The following SUFU variants were observed in gnomAD, a reference collection of about 807,000 sequenced individuals.
SUFU encodes suppressor of fused homolog.
In SUFU, 7 loss-of-function variants were observed where a neutral mutation model predicts 58.9. The observed-to-expected ratio is 0.12, with a 90% CI of 0.07 to 0.22. The LOEUF (loss-of-function observed/expected upper bound fraction) is 0.22, where lower values mean the gene tolerates loss of function less well. SUFU is among the 10% of genes least tolerant of loss of function. SUFU has a pLI of 1.00. For missense variants in SUFU, 451 were observed against 641.3 expected, an observed-to-expected ratio of 0.70 and a Z score of 3.20; for synonymous variants, 232 against 254.8, an observed-to-expected ratio of 0.91 and a Z score of 0.85.
intron 2 of SUFU, among the ~76,000 whole-genome samples, chr10:102,526,858 G>A (rs1217916750): frequency 6.6e-6 from 1 of 152,114 alleles, no homozygotes; most frequent in Admixed American, 6.6e-5. Context: ...CACGGACCTC[G>A]AAGTGTTTAA....
intron 9 of SUFU, among the ~76,000 whole-genome samples, chr10:102,616,323 A>G (rs183373473): frequency 6.6e-6 from 1 of 152,358 alleles, no homozygotes; most frequent in African/African-American, 2.4e-5. Flanking sequence ...ACCAAGAGTA[A>G]TTCTAAACTC....
intron 2 of SUFU, among the ~76,000 whole-genome samples, chr10:102,528,853 C>A (rs553049868): frequency 4.7e-4 from 71 of 152,068 alleles, no homozygotes; most frequent in Non-Finnish European, 9.0e-4. Flanking sequence ...AAGAAAGCTT[C>A]TATAACCCAG....
At chr10:102,599,348 C>T (rs2063493906) in intron 7 of SUFU, 85 bp from the exon 8 acceptor site, 2 of 1,051,258 alleles carry the variant, frequency 1.9e-6, no homozygotes, top group South Asian at 2.5e-5. Flanking sequence ...TTTCTTAGCA[C>T]CTCTGCTGAG....
chr10:102,514,802 C>T (rs1361716495), intron 2 of SUFU, among the ~76,000 whole-genome samples: 1 of 152,252 alleles, frequency 6.6e-6, no homozygotes, highest in Non-Finnish European at 1.5e-5. Flanking sequence ...GTACCACCAA[C>T]AGCTCTGGCT....
At chr10:102,590,288 C>A (rs2063385264) in intron 3 of SUFU, among the ~76,000 whole-genome samples, 1 of 151,614 alleles carries the variant, frequency 6.6e-6, no homozygotes, top group African/African-American at 2.4e-5. Context: ...GCCTCAGCCT[C>A]CCGAGTAGCT....
In SUFU at chr10:102,551,637, C is replaced by CA. The variant is rs1185647428; in HGVS notation, c.454+1543dup. Among the ~76,000 whole-genome samples the CA allele has an allele frequency of 3.3e-3, 304 of 92,268 alleles. 3 individuals are homozygous for CA. The Middle Eastern group carries it at 0.1, about 31-fold the overall frequency. The allele number at this position is 92,268 out of a possible 152,430, so 60.5% of individuals were successfully genotyped here. On this transcript the variant is annotated intron_variant, in intron 3 of 11. Transcript: ENST00000369902. ...TGGGCAACAGAGCAAGACTCCGTAT[C>CA]AAAAAAAAAAAAGTAACAATCACAG...
chr10:102,555,112 A>C (rs184798722), intron 3 of SUFU, among the ~76,000 whole-genome samples: 342 of 151,948 alleles, frequency 2.3e-3, no homozygotes, highest in African/African-American at 4.6e-3. Flanking sequence ...ACTAAAAATA[A>C]AAAAAATTAG....
rs893987893 is a variant in SUFU, at chr10:102,631,663, G to A, written c.*1508G>A. The A allele has an allele frequency of 8.6e-6, 2 of 233,274 alleles. No individual in the cohort carries two copies. The highest frequency in any genetic ancestry group is 1.2e-3 in the Middle Eastern group (1 of 812). The allele number at this position is 233,274 out of a possible 1,614,324, so 14.5% of individuals were successfully genotyped here. ...CCACAGGAGTGCCCACAGGGTGCAG[G>A]ACTCCACTGATGAGAGATCCAGCCA... On this transcript the variant is annotated 3_prime_UTR_variant, in exon 12 of 12. Coordinates refer to ENST00000369902, the MANE Select transcript of SUFU (RefSeq NM_016169.4).
chr10:102,544,424 G>A (rs1166748477), intron 2 of SUFU, among the ~76,000 whole-genome samples: 2 of 152,188 alleles, frequency 1.3e-5, no homozygotes, highest in Non-Finnish European at 2.9e-5. Context: ...TCCCAGGCCA[G>A]GCACGGTGGC....
chr10:102,528,812 C>T (rs2062641938), intron 2 of SUFU, among the ~76,000 whole-genome samples: 1 of 152,132 alleles, frequency 6.6e-6, no homozygotes, highest in Non-Finnish European at 1.5e-5. Flanking sequence ...CAAATGCATT[C>T]CATGAATCTG....
intron 3 of SUFU, among the ~76,000 whole-genome samples, chr10:102,570,563 G>A (rs1220845328): frequency 6.6e-6 from 1 of 150,718 alleles, no homozygotes; most frequent in Non-Finnish European, 1.5e-5. Context: ...TTTCTAATCG[G>A]TATTTTTGTG....
At chr10:102,535,001 C>G (rs143037074) in intron 2 of SUFU, among the ~76,000 whole-genome samples, 106 of 152,012 alleles carry the variant, frequency 7.0e-4, no homozygotes, top group Middle Eastern at 3.4e-3. Flanking sequence ...ACCTCCACCC[C>G]CTACCCCCTG....
At chr10:102,541,730 GAC>G (rs1326909564) in intron 2 of SUFU, among the ~76,000 whole-genome samples, 17 of 62,874 alleles carry the variant, frequency 2.7e-4, no homozygotes, top group African/African-American at 9.0e-4. Context: ...TTCCTTTTGA[GAC>G]AGTTTTGCTC....
intron 2 of SUFU, among the ~76,000 whole-genome samples, chr10:102,531,661 A>G (rs2062679283): frequency 6.8e-6 from 1 of 147,012 alleles, no homozygotes; most frequent in Non-Finnish European, 1.5e-5. Flanking sequence ...AGGGTCCCAA[A>G]TAAGGGATTG....
chr10:102,549,426 AACC>A (rs1257579972), intron 2 of SUFU, among the ~76,000 whole-genome samples: 3 of 152,292 alleles, frequency 2.0e-5, no homozygotes, highest in Non-Finnish European at 4.4e-5. Context: ...CTGTGGAGGA[AACC>A]ACCCCTGTGA....
chr10:102,586,659 C>G (rs950725938), intron 3 of SUFU, among the ~76,000 whole-genome samples: 1 of 152,022 alleles, frequency 6.6e-6, no homozygotes, highest in Non-Finnish European at 1.5e-5. Context: ...GGCGACAGAG[C>G]GAGACTCCGT....
chr10:102,560,887 G>A (rs1404763066), intron 3 of SUFU, among the ~76,000 whole-genome samples: 1 of 151,946 alleles, frequency 6.6e-6, no homozygotes, highest in Non-Finnish European at 1.5e-5. Flanking sequence ...GCCCAGGCTG[G>A]AGTGCAATGG....
chr10:102,616,347 A>G (rs2063686658), intron 9 of SUFU, among the ~76,000 whole-genome samples: 1 of 152,254 alleles, frequency 6.6e-6, no homozygotes, highest in Admixed American at 6.5e-5. Flanking sequence ...GAACAGTGAC[A>G]GGGAAGAAGA....
At chr10:102,541,831 C>T (rs1277238702) in intron 2 of SUFU, among the ~76,000 whole-genome samples, 1 of 149,510 alleles carries the variant, frequency 6.7e-6, no homozygotes, top group East Asian at 2.0e-4. Flanking sequence ...GCCTCAGCTT[C>T]CCTAGCAGCT....
Sources: gnomAD v4.1 joint callset for allele counts (sites outside exome capture counted in the v4.1 genomes callset) on GRCh38, gnomAD v4.1.1 for gene constraint, MANE v1.5 for transcripts, NCBI Gene and HGNC (gene_info 2026-07-23, HGNC 2026-07-21) for gene names.